Variants in PIP5K1B observed in about 807,000 individuals in gnomAD.
PIP5K1B encodes phosphatidylinositol-4-phosphate 5-kinase type 1 beta.
PIP5K1B carries 42 observed loss-of-function variants against 67.0 expected under a neutral mutation model. That is an observed-to-expected ratio of 0.63 (90% CI 0.49 to 0.81). The LOEUF (loss-of-function observed/expected upper bound fraction) is 0.81, where lower values mean the gene tolerates loss of function less well. PIP5K1B is among the 30% of genes least tolerant of loss of function. PIP5K1B has a pLI of 0.00. For missense variants in PIP5K1B, 459 were observed against 646.3 expected (o/e 0.71, Z 3.14); for synonymous variants, 214 against 231.4 (o/e 0.92, Z 0.68).
At chr9:68,932,197 T>C (rs1197495481) in intron 12 of PIP5K1B, among the ~76,000 whole-genome samples, 1 of 152,248 alleles carries the variant, frequency 6.6e-6, no homozygotes, top group East Asian at 1.9e-4. Flanking sequence ...TCGCATTTCC[T>C]TGGTACTGCC....
At chr9:68,708,544 C>CCG (rs1554702639) in intron 1 of PIP5K1B, among the ~76,000 whole-genome samples, 1 of 146,662 alleles carries the variant, frequency 6.8e-6, no homozygotes, top group Non-Finnish European at 1.5e-5. Context: ...GTTTGCCGCC[C>CCG]CCCCGCCCCT....
chr9:69,004,413 G>T (rs1564311884), intron 15 of PIP5K1B, among the ~76,000 whole-genome samples: 2 of 151,822 alleles, frequency 1.3e-5, no homozygotes, highest in South Asian at 2.1e-4. Context: ...TCACTCCAGG[G>T]TCTGTAGTCT....
At chr9:68,912,404 A>G (rs1450249914) in intron 8 of PIP5K1B, among the ~76,000 whole-genome samples, 1 of 152,192 alleles carries the variant, frequency 6.6e-6, no homozygotes, top group Non-Finnish European at 1.5e-5. Flanking sequence ...GAAAAGTCAA[A>G]TAGACAAAGA....
intron 5 of PIP5K1B, 34 bp downstream of exon 5, chr9:68,864,001 C>T (rs1173980041): frequency 6.2e-7 from 1 of 1,604,992 alleles, no homozygotes; most frequent in Non-Finnish European, 8.5e-7. Context: ...GATTTCCATG[C>T]TAAGGAACCT....
At chr9:68,991,102 G>A in intron 14 of PIP5K1B, 38 bp from the exon 15 acceptor site, 2 of 1,168,070 alleles carry the variant, frequency 1.7e-6, no homozygotes, top group South Asian at 1.2e-5. Context: ...ATTTTGTTCT[G>A]GGGGCCTCAT....
chr9:68,828,298 G>A (rs1834092505), intron 4 of PIP5K1B, among the ~76,000 whole-genome samples: 2 of 152,232 alleles, frequency 1.3e-5, no homozygotes, highest in African/African-American at 4.8e-5. Flanking sequence ...CGTGGGGTCA[G>A]AGGCCACCTG....
chr9:68,960,920 C>T (rs1427806883), intron 14 of PIP5K1B, among the ~76,000 whole-genome samples: 1 of 152,208 alleles, frequency 6.6e-6, no homozygotes, highest in Non-Finnish European at 1.5e-5. Flanking sequence ...TACTTAAAAG[C>T]GTGTCACCGG....
Position 68,861,895 on chromosome 9 carries a change from G to GT in PIP5K1B, c.70-1936dup, listed in dbSNP as rs945874186. Among the ~76,000 whole-genome samples the GT allele has an allele frequency of 2.2e-4, 30 of 136,180 alleles. No individual in the cohort carries two copies. The East Asian group carries it at 3.6e-3, about 16-fold the overall frequency. The allele number at this position is 136,180 out of a possible 152,430, so 89.3% of individuals were successfully genotyped here. On this transcript the variant is annotated intron_variant, in intron 4 of 15. Transcript: ENST00000265382. ...TAGCAGGGGGTTTTTTTGTTTGTTT[G>GT]TTTTTTGTTTTTTTTTTTTAAGAAA... is the stretch of plus-strand genomic sequence containing the variant.
In PIP5K1B at chr9:68,991,148, T is replaced by C; in HGVS notation, c.1511T>C (p.Leu504Ser). ...RPTLYSNSKG[L>S]PSSSTFTLEE... ...CATCTTTATTTTTCCAGCAAAGGGT[T>C]ACCTTCCAGTTCAACATTTACCTTG... Residue 504 changes from leucine (L) to serine (S), a missense_variant, in exon 15 of 16, where the codon TTA becomes TCA. This residue lies in a region of PIP5K1B where 169 missense variants were observed against 171.9 expected (regional missense o/e 0.98). Coordinates refer to ENST00000265382, the MANE Select transcript of PIP5K1B (RefSeq NM_003558.4). 1 of 1,589,502 alleles carries C rather than the reference T, an allele frequency of 6.3e-7. No homozygotes were observed. The highest frequency in any genetic ancestry group is 8.6e-7 in the Non-Finnish European group (1 of 1,157,560).
chr9:68,715,853 C>T (rs1827611260), intron 1 of PIP5K1B, among the ~76,000 whole-genome samples: 2 of 152,194 alleles, frequency 1.3e-5, no homozygotes, highest in African/African-American at 2.4e-5. Flanking sequence ...CCTAATTTCA[C>T]CTGTCATGAG....
intron 2 of PIP5K1B, among the ~76,000 whole-genome samples, chr9:68,810,599 A>G (rs983571680): frequency 5.3e-5 from 8 of 152,308 alleles, no homozygotes; most frequent in African/African-American, 1.9e-4. Flanking sequence ...CATGTATGAG[A>G]AGCAAACTCA....
At chr9:68,841,393 G>C (rs1821912203) in intron 4 of PIP5K1B, among the ~76,000 whole-genome samples, 1 of 152,162 alleles carries the variant, frequency 6.6e-6, no homozygotes, top group Admixed American at 6.5e-5. Context: ...TATTTCTTTG[G>C]TGTTTACAGA....
intron 1 of PIP5K1B, among the ~76,000 whole-genome samples, chr9:68,720,201 C>T (rs147078952): frequency 2.0e-5 from 3 of 152,320 alleles, no homozygotes; most frequent in African/African-American, 4.8e-5. Context: ...TGAGCTCCCC[C>T]TTCCTTTACA....
chr9:68,755,545 G>A (rs1191218374), intron 2 of PIP5K1B, among the ~76,000 whole-genome samples: 1 of 152,094 alleles, frequency 6.6e-6, no homozygotes, highest in Admixed American at 6.5e-5. Context: ...GGAAAATATT[G>A]AAAAATAGAG....
chr9:68,983,443 C>CT (rs1829971743), intron 14 of PIP5K1B, among the ~76,000 whole-genome samples: 1 of 151,996 alleles, frequency 6.6e-6, no homozygotes, highest in Non-Finnish European at 1.5e-5. Flanking sequence ...CACTTCCTAT[C>CT]TTTTTTCTGT....
At chr9:68,982,632 C>T (rs371040622) in intron 14 of PIP5K1B, among the ~76,000 whole-genome samples, 1 of 151,808 alleles carries the variant, frequency 6.6e-6, no homozygotes. Flanking sequence ...CATGGTGGTG[C>T]GCACCTGTAG....
At chr9:68,941,029 T>C (rs1183340443) in intron 14 of PIP5K1B, 5 of 613,888 alleles carry the variant, frequency 8.1e-6, no homozygotes, top group Non-Finnish European at 1.5e-5. Flanking sequence ...TATACTTGGC[T>C]CAATGGAAGA....
In PIP5K1B at chr9:68,827,286, T is replaced by C. The variant is rs150390584; in HGVS notation, c.69+4603T>C. On this transcript the variant is annotated intron_variant, in intron 4 of 15. Transcript: ENST00000265382. ...TACCCTTGGGTGCTGGTTTGAGGTG[T>C]TTGGATTTTATGTTCTAGGCCAGTG... Among the ~76,000 whole-genome samples the C allele has an allele frequency of 3.2e-3, 490 of 152,144 alleles. 3 individuals are homozygous for C. Among genetic ancestry groups the C allele is most frequent in the Admixed American group, 8.0e-3 (123 of 15,284 alleles).
Position 69,008,485 on chromosome 9 carries a change from C to T in PIP5K1B, c.*36C>T, listed in dbSNP as rs374237913. 1.2e-5 allele frequency: 19 copies of T among 1,608,848 alleles called. No individual in the cohort carries two copies. Among genetic ancestry groups the T allele is most frequent in the South Asian group, 6.6e-5 (6 of 90,972 alleles). Reference sequence around the variant, plus strand: ...TGATCACCTAAGCACATGGATGAGACGTGAGCACAGTTATGGCAGAGAAGT... The same window carrying T: ...TGATCACCTAAGCACATGGATGAGATGTGAGCACAGTTATGGCAGAGAAGT... On this transcript the variant is annotated 3_prime_UTR_variant, in exon 16 of 16. Coordinates refer to ENST00000265382, the MANE Select transcript of PIP5K1B (RefSeq NM_003558.4).
Sources: allele counts gnomAD v4.1 joint callset (sites outside exome capture counted in the v4.1 genomes callset), GRCh38; gene constraint gnomAD v4.1.1; regional missense constraint gnomAD v4.1.1; transcripts MANE v1.5; gene names NCBI Gene and HGNC (gene_info 2026-07-23, HGNC 2026-07-21).